ADAMTS9: variants seen among roughly 807,000 people sequenced by gnomAD.
ADAMTS9 encodes the protein A disintegrin and metalloproteinase with thrombospondin motifs 9.
A neutral mutation model predicts 257.1 loss-of-function variants in ADAMTS9; 107 were observed. The observed-to-expected ratio is 0.42, with a 90% CI of 0.36 to 0.49. The LOEUF is 0.49. ADAMTS9 is among the 20% of genes least tolerant of loss of function. ADAMTS9 has a pLI of 0.03. For missense variants in ADAMTS9, 2,353 were observed against 2,469.1 expected (o/e 0.95, Z 1.00); for synonymous variants, 982 against 880.9 (o/e 1.11, Z -2.03).
At chr3:64,542,574 C>T (rs184608027) in intron 32 of ADAMTS9, among the ~76,000 whole-genome samples, 6 of 151,998 alleles carry the variant, frequency 3.9e-5, no homozygotes, top group South Asian at 4.2e-4. Flanking sequence ...ACTACAGGCA[C>T]GCACCACCTC....
chr3:64,628,712 T>C (rs1700290725), intron 16 of ADAMTS9, among the ~76,000 whole-genome samples: 1 of 152,244 alleles, frequency 6.6e-6, no homozygotes, highest in African/African-American at 2.4e-5. Context: ...AGTAAGGCTT[T>C]ACGGCCCTTG....
intron 19 of ADAMTS9, 72 bp from the exon 20 acceptor site, chr3:64,616,242 T>G (rs1233629837): frequency 8.0e-6 from 12 of 1,502,570 alleles, no homozygotes; most frequent in African/African-American, 2.8e-5. Flanking sequence ...TCAACTGGTA[T>G]TCATAGAAGA....
At chr3:64,533,365 A>G in intron 37 of ADAMTS9, 95 bp from the exon 38 acceptor site, 1 of 957,802 alleles carries the variant, frequency 1.0e-6, no homozygotes, top group Non-Finnish European at 1.7e-6. Context: ...ACTTTGGAAA[A>G]GAGAAGGATG....
Position 64,631,362 on chromosome 3 carries a change from C to T in ADAMTS9, c.2389+93G>A, listed in dbSNP as rs1189925525. Reference sequence around the variant, plus strand: ...TATGAAAATCCATGACATCTGAAAGCTCTGCCTCTGCATGCCAGAGAAGGA... The same window carrying T: ...TATGAAAATCCATGACATCTGAAAGTTCTGCCTCTGCATGCCAGAGAAGGA... On this transcript the variant is annotated intron_variant, in intron 16 of 39. Coordinates refer to ENST00000498707, the MANE Select transcript of ADAMTS9 (RefSeq NM_182920.2). 6.0e-6 allele frequency: 6 copies of T among 994,688 alleles called. No individual in the cohort carries two copies. The East Asian group carries it at 1.4e-4, about 24-fold the overall frequency. The allele number at this position is 994,688 out of a possible 1,614,324, so 61.6% of individuals were successfully genotyped here.
chr3:64,681,036 C>T (rs1701741261), intron 3 of ADAMTS9, among the ~76,000 whole-genome samples, 165 bp downstream of exon 3: 1 of 152,180 alleles, frequency 6.6e-6, no homozygotes, highest in Non-Finnish European at 1.5e-5. Context: ...TCCTTAGTCT[C>T]CACATCTGTA....
At chr3:64,677,928 G>A (rs1271772344) in intron 3 of ADAMTS9, among the ~76,000 whole-genome samples, 2 of 152,166 alleles carry the variant, frequency 1.3e-5, no homozygotes, top group Admixed American at 6.6e-5. Context: ...AGTTTTCATT[G>A]CAGTAGACTC....
chr3:64,621,691 G>A (rs1424295339), intron 18 of ADAMTS9, among the ~76,000 whole-genome samples: 1 of 151,742 alleles, frequency 6.6e-6, no homozygotes, highest in African/African-American at 2.4e-5. Context: ...GAACCAGGGA[G>A]GCACAGGTTG....
At chr3:64,545,319 T>G (rs1233952032) in intron 32 of ADAMTS9, among the ~76,000 whole-genome samples, 2 of 152,236 alleles carry the variant, frequency 1.3e-5, no homozygotes, top group African/African-American at 4.8e-5. Context: ...GTATGTTTAT[T>G]GTGGCACTAT....
chr3:64,613,855 A>T (rs1310108232), intron 21 of ADAMTS9, among the ~76,000 whole-genome samples: 1 of 152,170 alleles, frequency 6.6e-6, no homozygotes, highest in Admixed American at 6.5e-5. Flanking sequence ...ATAACCAGTC[A>T]CAAGATCTCT....
At chr3:64,677,504 G>C (rs1044301774) in intron 3 of ADAMTS9, among the ~76,000 whole-genome samples, 2 of 152,158 alleles carry the variant, frequency 1.3e-5, no homozygotes, top group Non-Finnish European at 2.9e-5. Context: ...GGGTGACCTT[G>C]GGCAAGTCCC....
At chr3:64,648,741 C>T (rs551699450) in intron 10 of ADAMTS9, among the ~76,000 whole-genome samples, 3 of 152,184 alleles carry the variant, frequency 2.0e-5, no homozygotes, top group African/African-American at 7.2e-5. Flanking sequence ...GTTATCTTAA[C>T]TTAAAATTAT....
chr3:64,615,227 AAAGGTGCAC>A (rs1434989962), intron 21 of ADAMTS9, 85 bp downstream of exon 21: 6 of 1,390,778 alleles, frequency 4.3e-6, no homozygotes, highest in Non-Finnish European at 4.9e-6. Flanking sequence ...GAGGTGGGAG[AAAGGTGCAC>A]AAGGGTTTGT....
At position 64,628,582 on chromosome 3, in the gene ADAMTS9, C is replaced by A. The variant is rs574263481; in HGVS notation, c.2389+2873G>T. ...GCTGTGCAAGGAGAAATGGATTCCCCCCCCAAAATAATTTGTAAACAGTCC... is the reference window on the plus strand; with the variant it reads ...GCTGTGCAAGGAGAAATGGATTCCCACCCCAAAATAATTTGTAAACAGTCC... On this transcript the variant is annotated intron_variant, in intron 16 of 39. Transcript: ENST00000498707. Among the ~76,000 whole-genome samples, 16 of 152,246 alleles carry A rather than the reference C, an allele frequency of 1.1e-4. No homozygotes were observed. The South Asian group carries it at 3.1e-3, about 30-fold the overall frequency.
At chr3:64,673,789 G>A (rs1256895524) in intron 3 of ADAMTS9, among the ~76,000 whole-genome samples, 1 of 151,996 alleles carries the variant, frequency 6.6e-6, no homozygotes, top group Non-Finnish European at 1.5e-5. Flanking sequence ...GAAATATTTA[G>A]AGATGGTATC....
chr3:64,666,500 C>G (rs1025737984), intron 3 of ADAMTS9, among the ~76,000 whole-genome samples: 5 of 152,202 alleles, frequency 3.3e-5, no homozygotes, highest in Non-Finnish European at 7.3e-5. Flanking sequence ...GAAGTCTGCA[C>G]AGGAATCATC....
At chr3:64,553,379 A>G (rs1213533345) in intron 30 of ADAMTS9, among the ~76,000 whole-genome samples, 1 of 152,180 alleles carries the variant, frequency 6.6e-6, no homozygotes, top group Non-Finnish European at 1.5e-5. Context: ...ATGTATCAAT[A>G]TTTCACTCCT....
intron 37 of ADAMTS9, among the ~76,000 whole-genome samples, chr3:64,535,825 GA>G (rs2083042743): frequency 6.6e-6 from 1 of 151,882 alleles, no homozygotes; most frequent in Non-Finnish European, 1.5e-5. Context: ...TTACAGGCAT[GA>G]CCCACCGCAC....
At chr3:64,664,196 T>C (rs1007300282) in intron 3 of ADAMTS9, among the ~76,000 whole-genome samples, 2 of 152,166 alleles carry the variant, frequency 1.3e-5, no homozygotes, top group Non-Finnish European at 2.9e-5. Flanking sequence ...TGGAAAGCAC[T>C]GAAAAAATGG....
intron 2 of ADAMTS9, among the ~76,000 whole-genome samples, chr3:64,684,428 T>C (rs1701841735): frequency 6.6e-6 from 1 of 151,968 alleles, no homozygotes; most frequent in Non-Finnish European, 1.5e-5. Flanking sequence ...TGGTAGACTC[T>C]GGTAGACTCT....
Sources: allele counts gnomAD v4.1 joint callset (sites outside exome capture counted in the v4.1 genomes callset), GRCh38; gene constraint gnomAD v4.1.1; transcripts MANE v1.5; gene names NCBI Gene and HGNC (gene_info 2026-07-23, HGNC 2026-07-21).